Variants in HMGCS1 observed in about 807,000 individuals in gnomAD.
HMGCS1 encodes the protein hydroxymethylglutaryl-CoA synthase, cytoplasmic.
In HMGCS1, 9 loss-of-function variants were observed where a neutral mutation model predicts 52.3. The observed-to-expected ratio is 0.17, with a 90% CI of 0.10 to 0.30. The LOEUF is 0.30. Ranked by LOEUF, HMGCS1 falls within the 10% of genes least tolerant of loss-of-function variation. The pLI, the probability that HMGCS1 is intolerant of heterozygous loss-of-function variation, is 1.00. For synonymous variants in HMGCS1, 176 were observed against 214.4 expected (o/e 0.82, Z 1.57); for missense variants, 320 against 620.9 (o/e 0.52, Z 5.15).
rs191250986 is a variant in HMGCS1, at chr5:43,298,401, T to C, written c.448+117A>G. The C allele has an allele frequency of 9.9e-5, 74 of 750,580 alleles. No homozygotes were observed. The highest frequency in any genetic ancestry group is 2.8e-4 in the Admixed American group (10 of 35,822). The allele number at this position is 750,580 out of a possible 1,614,324, so 46.5% of individuals were successfully genotyped here. ...CAGGTAAAATATCTTTCTTAATATA[T>C]CCAAACAAGGACAAATTACAAAAGT... is the stretch of plus-strand genomic sequence containing the variant. On this transcript the variant is annotated intron_variant, in intron 3 of 10. Transcript: ENST00000325110. This position sits in a 1 kb window ranked among gnomAD's most constrained non-coding sequence, Gnocchi z 5.6.
At chr5:43,291,382 A>G (rs1753758981) in intron 10 of HMGCS1, among the ~76,000 whole-genome samples, 162 bp from the exon 11 acceptor site, 1 of 152,108 alleles carries the variant, frequency 6.6e-6, no homozygotes, top group Admixed American at 6.5e-5. Flanking sequence ...GGAACTCAAT[A>G]TCCATTTTTC....
chr5:43,287,892 G>GA lies in HMGCS1; in HGVS notation c.*3238dup, dbSNP rs1405775254. 1.3e-5 allele frequency: 2 copies of GA among 152,346 alleles called. No homozygotes were observed. The highest frequency in any genetic ancestry group is 2.9e-5 in the Non-Finnish European group (2 of 68,122). The allele number at this position is 152,346 out of a possible 1,614,324, so 9.4% of individuals were successfully genotyped here. On this transcript the variant is annotated 3_prime_UTR_variant, in exon 11 of 11. Coordinates refer to ENST00000325110, the MANE Select transcript of HMGCS1 (RefSeq NM_001098272.3). ...AGTTACCACAGCAGTGACTGGAGTAGAAGGCAGGGCAGAGAAGATCTGAAG... is the reference window on the plus strand; with the variant it reads ...AGTTACCACAGCAGTGACTGGAGTAGAAAGGCAGGGCAGAGAAGATCTGAAG...
chr5:43,294,946 C>A, intron 6 of HMGCS1, 85 bp from the exon 7 acceptor site: 1 of 821,326 alleles, frequency 1.2e-6, no homozygotes, highest in Admixed American at 2.6e-5. Context: ...GGATTCAAAT[C>A]TTTAAGTGTA....
chr5:43,301,319 G>A (rs1754306224), intron 2 of HMGCS1, among the ~76,000 whole-genome samples: 1 of 152,200 alleles, frequency 6.6e-6, no homozygotes, highest in South Asian at 2.1e-4. Context: ...GGTCATGAAG[G>A]TTCTGGTATG....
intron 2 of HMGCS1, among the ~76,000 whole-genome samples, chr5:43,305,597 C>G (rs1343540914): frequency 6.6e-6 from 1 of 151,530 alleles, no homozygotes; most frequent in East Asian, 1.9e-4. Flanking sequence ...TGGTGAAACC[C>G]CCTCTCTACT....
At chr5:43,310,612 T>A (rs1754812509) in intron 1 of HMGCS1, among the ~76,000 whole-genome samples, 1 of 152,256 alleles carries the variant, frequency 6.6e-6, no homozygotes, top group Non-Finnish European at 1.5e-5. Context: ...CAGTAGTAAG[T>A]GCTTTCTGCT....
chr5:43,305,541 G>A (rs1200311456), intron 2 of HMGCS1, among the ~76,000 whole-genome samples: 4 of 151,882 alleles, frequency 2.6e-5, no homozygotes, highest in African/African-American at 9.7e-5. Flanking sequence ...AGGCCGAGGT[G>A]GGCGGATCAC....
At chr5:43,306,938 C>A (rs969960320) in intron 2 of HMGCS1, among the ~76,000 whole-genome samples, 4 of 152,042 alleles carry the variant, frequency 2.6e-5, no homozygotes, top group Admixed American at 6.6e-5. Context: ...CATAGGAAAT[C>A]ATAATCTTGA....
rs753510846 is a variant in HMGCS1, at chr5:43,298,994, G to GA, written c.-10-20dup. On this transcript the variant is annotated intron_variant, in intron 2 of 10. Coordinates refer to ENST00000325110, the MANE Select transcript of HMGCS1 (RefSeq NM_001098272.3). This position sits in a 1 kb window ranked among gnomAD's most constrained non-coding sequence, Gnocchi z 5.6. ...GAAAGAGCTTTAGAAAGGAGAAACA[G>GA]AAAAAAAATTGTTTTAGGTTATAAG... 90 of 1,547,286 alleles carry GA rather than the reference G, an allele frequency of 5.8e-5. No homozygotes were observed. The East Asian group carries it at 1.4e-3, about 24-fold the overall frequency.
chr5:43,292,834 T>C lies in HMGCS1; in HGVS notation c.1309+14A>G, dbSNP rs773742561. On this transcript the variant is annotated intron_variant, in intron 9 of 10. Coordinates refer to ENST00000325110, the MANE Select transcript of HMGCS1 (RefSeq NM_001098272.3). ...TCCAAATGGGTTAACTTAAAGAACA[T>C]TTAATATTTTTACCCAAATGATGGG... is the stretch of plus-strand genomic sequence containing the variant. 1.3e-5 allele frequency: 21 copies of C among 1,611,150 alleles called. No individual in the cohort carries two copies. The South Asian group carries it at 2.3e-4, about 18-fold the overall frequency.
At chr5:43,301,032 T>G (rs1210250988) in intron 2 of HMGCS1, among the ~76,000 whole-genome samples, 2 of 151,972 alleles carry the variant, frequency 1.3e-5, no homozygotes, top group South Asian at 2.1e-4. Context: ...GAGAACCACA[T>G]TATATAATGG....
chr5:43,305,263 G>T (rs1376046945), intron 2 of HMGCS1, among the ~76,000 whole-genome samples: 1 of 152,144 alleles, frequency 6.6e-6, no homozygotes, highest in Non-Finnish European at 1.5e-5. Flanking sequence ...TGGGATTACA[G>T]GCGTGAGCCA....
intron 10 of HMGCS1, 79 bp downstream of exon 10, chr5:43,292,395 C>T: frequency 1.6e-6 from 2 of 1,218,262 alleles, no homozygotes; most frequent in South Asian, 1.4e-5. Flanking sequence ...CTCTTCTTTA[C>T]TGACATTTAT....
intron 1 of HMGCS1, among the ~76,000 whole-genome samples, chr5:43,312,397 C>A (rs777654272): frequency 2.6e-5 from 4 of 152,148 alleles, no homozygotes; most frequent in Non-Finnish European, 5.9e-5. Flanking sequence ...AGGCTAAGGC[C>A]ATAGGGACAA....
At chr5:43,292,806 C>A (rs55794239) in intron 9 of HMGCS1, 42 bp downstream of exon 9, 776,492 of 1,593,008 alleles carry the variant, frequency 0.49, 194,368 homozygotes, top group Middle Eastern at 0.6. Flanking sequence ...ATGATATCAG[C>A]CCTCCAAATG....
At position 43,308,598 on chromosome 5, in the gene HMGCS1, G is replaced by A. The variant is rs1754694635; in HGVS notation, c.-69-774C>T. Among the ~76,000 whole-genome samples, 3 of 152,150 alleles carry A rather than the reference G, an allele frequency of 2.0e-5. No individual in the cohort carries two copies. In the South Asian group the frequency reaches 6.2e-4, roughly 31 times the overall value. ...CATTAAACATTATTATGTAAATTAAGTAGAAATAATTTGCGAAGGTGACTG... is the reference window on the plus strand; with the variant it reads ...CATTAAACATTATTATGTAAATTAAATAGAAATAATTTGCGAAGGTGACTG... On this transcript the variant is annotated intron_variant, in intron 1 of 10. Coordinates refer to ENST00000325110, the MANE Select transcript of HMGCS1 (RefSeq NM_001098272.3).
In HMGCS1 at chr5:43,291,065, C is replaced by T; in HGVS notation, c.*66G>A. The T allele has an allele frequency of 1.1e-6, 1 of 903,584 alleles. No homozygotes were observed. The highest frequency in any genetic ancestry group is 1.9e-6 in the Non-Finnish European group (1 of 538,700). 56.0% of individuals were successfully genotyped at this position (903,584 alleles called of 1,614,324 possible). On this transcript the variant is annotated 3_prime_UTR_variant, in exon 11 of 11. Coordinates refer to ENST00000325110, the MANE Select transcript of HMGCS1 (RefSeq NM_001098272.3). ...AATTATCCCCAGATATCCCATTCCTCCAACTGTTCCCATACCCCCACCCCA... is the reference window on the plus strand; with the variant it reads ...AATTATCCCCAGATATCCCATTCCTTCAACTGTTCCCATACCCCCACCCCA...
chr5:43,297,331 A>G (rs181814069), intron 4 of HMGCS1, among the ~76,000 whole-genome samples, 165 bp from the exon 5 acceptor site: 7 of 152,340 alleles, frequency 4.6e-5, no homozygotes, highest in African/African-American at 1.7e-4. Flanking sequence ...GAAATGATAC[A>G]TAACAGTATC....
In HMGCS1 at chr5:43,290,124, C is replaced by A. The variant is rs1753676266; in HGVS notation, c.*1007G>T. 6.6e-6 allele frequency: 1 copy of A among 151,750 alleles called. No individual in the cohort carries two copies. Among genetic ancestry groups the A allele is most frequent in the African/African-American group, 2.4e-5 (1 of 41,222 alleles). 9.4% of individuals were successfully genotyped at this position (151,750 alleles called of 1,614,324 possible). A position where few individuals can be genotyped will look rare whatever the true frequency, so the allele number is the denominator to read the frequency against. Reference sequence around the variant, plus strand: ...AAAAAAAAAAGGAAAAGGAAAAGAGCTGTGTTACACCATGAATTTAGGTTG... The same window carrying A: ...AAAAAAAAAAGGAAAAGGAAAAGAGATGTGTTACACCATGAATTTAGGTTG... On this transcript the variant is annotated 3_prime_UTR_variant, in exon 11 of 11. Transcript: ENST00000325110.
Sources: allele counts gnomAD v4.1 joint callset (sites outside exome capture counted in the v4.1 genomes callset), GRCh38; gene constraint gnomAD v4.1.1; non-coding constraint Gnocchi (gnomAD v3.1); transcripts MANE v1.5; gene names NCBI Gene and HGNC (gene_info 2026-07-23, HGNC 2026-07-21).